EML1: variants seen among roughly 807,000 people sequenced by gnomAD.
EML1 encodes EMAP like 1.
A neutral mutation model predicts 110.4 loss-of-function variants in EML1; 27 were observed. The observed-to-expected ratio is 0.24, with a 90% CI of 0.18 to 0.34. The LOEUF is 0.34. EML1 is among the 10% of genes least tolerant of loss of function. The pLI, the probability that EML1 is intolerant of heterozygous loss-of-function variation, is 1.00. For missense variants in EML1, 741 were observed against 1,030.9 expected (o/e 0.72, Z 3.85); for synonymous variants, 344 against 385.8 (o/e 0.89, Z 1.27).
intron 6 of EML1, 125 bp from the exon 7 acceptor site, chr14:99,897,017 ATGT>A: frequency 1.2e-6 from 1 of 841,228 alleles, no homozygotes. Flanking sequence ...TTGCAATTTA[ATGT>A]TGTTTAAATT....
intron 5 of EML1, among the ~76,000 whole-genome samples, chr14:99,894,246 A>C (rs984642204): frequency 3.9e-5 from 6 of 152,242 alleles, no homozygotes; most frequent in Admixed American, 3.3e-4. Flanking sequence ...GAGATTGTGT[A>C]TACATTGAAC....
intron 17 of EML1, among the ~76,000 whole-genome samples, chr14:99,923,905 C>T (rs1486066016): frequency 1.3e-5 from 2 of 152,224 alleles, no homozygotes; most frequent in Non-Finnish European, 2.9e-5. Context: ...CGTCTCACTT[C>T]GGCCTCCCAA....
rs886235935 is a variant in EML1 at position 99,831,453 on chromosome 14, G to A, written c.68-19400G>A. Among the ~76,000 whole-genome samples the A allele has an allele frequency of 4.6e-5, 7 of 152,240 alleles. No homozygotes were observed. The East Asian group carries it at 5.8e-4, about 13-fold the overall frequency. On this transcript the variant is annotated intron_variant, in intron 1 of 21. Coordinates refer to ENST00000262233, the MANE Select transcript of EML1 (RefSeq NM_004434.3). ...TGGCATCACTCCTGTTGCTCCCATC[G>A]GCAGCTGTGGGCCAGGGCCTCTCAT...
At chr14:99,783,976 A>T (rs1234104818) in intron 1 of EML1, among the ~76,000 whole-genome samples, 2 of 152,220 alleles carry the variant, frequency 1.3e-5, no homozygotes, top group Admixed American at 1.3e-4. Flanking sequence ...AATCCTGTTG[A>T]TTGGTGGAGA....
At chr14:99,741,133 T>C (rs546142666) in intron 1 of EML1, among the ~76,000 whole-genome samples, 1 of 152,094 alleles carries the variant, frequency 6.6e-6, no homozygotes, top group South Asian at 2.1e-4. Context: ...CTCGGGTGAG[T>C]CACTTAACTT....
chr14:99,878,434 A>G, intron 3 of EML1, 51 bp from the exon 4 acceptor site: 1 of 1,553,764 alleles, frequency 6.4e-7, no homozygotes, highest in African/African-American at 1.4e-5. Flanking sequence ...TTAGCAATAA[A>G]ATAAAGTCAC....
At chr14:99,785,244 G>A (rs2057585848) in intron 1 of EML1, among the ~76,000 whole-genome samples, 1 of 151,990 alleles carries the variant, frequency 6.6e-6, no homozygotes, top group Non-Finnish European at 1.5e-5. Context: ...TAGTAGAGAT[G>A]GGGTTTCACC....
chr14:99,914,089 G>T, intron 13 of EML1, 90 bp from the exon 14 acceptor site: 2 of 1,493,410 alleles, frequency 1.3e-6, no homozygotes, highest in Non-Finnish European at 1.8e-6. Flanking sequence ...CTGTTATAGG[G>T]ACTATCATTA....
intron 3 of EML1, among the ~76,000 whole-genome samples, chr14:99,875,779 G>C (rs563093008): frequency 1.3e-5 from 2 of 152,324 alleles, no homozygotes; most frequent in South Asian, 4.1e-4. Context: ...TGAACTTGAA[G>C]CACAAAGGCT....
At chr14:99,832,430 GGT>G (rs956086268) in intron 1 of EML1, among the ~76,000 whole-genome samples, 28 of 152,250 alleles carry the variant, frequency 1.8e-4, no homozygotes, top group African/African-American at 6.7e-4. Context: ...CTCAATAGTG[GGT>G]GTGTGTTTAG....
chr14:99,831,828 AT>A (rs1595355493), intron 1 of EML1, among the ~76,000 whole-genome samples: 1 of 148,684 alleles, frequency 6.7e-6, no homozygotes, highest in East Asian at 2.0e-4. Flanking sequence ...TTTTCTTTTC[AT>A]TTTTTACTGA....
rs35246718 is a variant in EML1, at chr14:99,739,065, AGT to A, written c.28+1231_28+1232del. 5.4e-3 allele frequency among the ~76,000 whole-genome samples: 748 copies of A among 139,006 alleles called. 5 individuals are homozygous for A. The highest frequency in any genetic ancestry group is 0.02 in the African/African-American group (697 of 35,266). 91.2% of individuals were successfully genotyped at this position (139,006 alleles called of 152,430 possible). The stretch of plus-strand genomic sequence containing the variant: ...GGAACAGAGCAAGTGAGAGTGTGAG[AGT>A]GTGTGTGTGTGTGTGTGTGTGTGTG... On this transcript the variant is annotated intron_variant, in intron 1 of 10. Coordinates refer to the EML1 transcript ENST00000554479.
chr14:99,870,113 C>G (rs892146640), intron 3 of EML1, among the ~76,000 whole-genome samples: 4 of 152,180 alleles, frequency 2.6e-5, no homozygotes, highest in Non-Finnish European at 5.9e-5. Context: ...ATTCGAAGTG[C>G]TACTCCAGTG....
intron 2 of EML1, among the ~76,000 whole-genome samples, chr14:99,864,805 CA>C (rs67480916): frequency 0.4 from 39,454 of 98,992 alleles, 5,392 homozygotes; most frequent in South Asian, 0.54. Context: ...AACTCTGTCT[CA>C]AAAAAAAAAA....
upstream of EML1, among the ~76,000 whole-genome samples, chr14:99,789,425 T>C (rs2057635679): frequency 1.3e-5 from 2 of 152,168 alleles, no homozygotes; most frequent in African/African-American, 4.8e-5. Flanking sequence ...GCCAGGCTGG[T>C]TTCGAACTCC....
chr14:99,812,772 G>A (rs1407605073), intron 1 of EML1, among the ~76,000 whole-genome samples: 6 of 152,156 alleles, frequency 3.9e-5, no homozygotes, highest in African/African-American at 1.4e-4. Flanking sequence ...TGTTTGTTTG[G>A]AGTTCCCAGT....
At chr14:99,755,924 G>T (rs375824857) in intron 1 of EML1, among the ~76,000 whole-genome samples, 1 of 152,118 alleles carries the variant, frequency 6.6e-6, no homozygotes, top group Non-Finnish European at 1.5e-5. Context: ...CTTCACAGGC[G>T]AGGAACCCGA....
intron 4 of EML1, among the ~76,000 whole-genome samples, chr14:99,888,782 C>T (rs1013150009): frequency 6.6e-6 from 1 of 152,162 alleles, no homozygotes; most frequent in Non-Finnish European, 1.5e-5. Context: ...ACAGGCCCCA[C>T]GGCTGCTTTT....
intron 9 of EML1, among the ~76,000 whole-genome samples, chr14:99,904,115 G>T (rs2059805368): frequency 6.6e-6 from 1 of 152,016 alleles, no homozygotes; most frequent in Admixed American, 6.6e-5. Context: ...GTGACCATAA[G>T]GTAAGATTTT....
Sources: allele counts gnomAD v4.1 joint callset (sites outside exome capture counted in the v4.1 genomes callset), GRCh38; gene constraint gnomAD v4.1.1; transcripts MANE v1.5; gene names NCBI Gene and HGNC (gene_info 2026-07-23, HGNC 2026-07-21).